Variants in ATP10D observed in about 807,000 individuals in gnomAD.
ATP10D encodes the protein ATPase phospholipid transporting 10D (putative), also known as phospholipid-transporting ATPase VD.
Under a neutral mutation model 144.8 loss-of-function variants are expected in ATP10D, and 89 were observed. The observed-to-expected ratio is 0.61, with a 90% CI of 0.52 to 0.73. The LOEUF (loss-of-function observed/expected upper bound fraction) is 0.73, where lower values mean the gene tolerates loss of function less well. ATP10D is among the 30% of genes least tolerant of loss of function. The pLI is 0.00. For synonymous variants in ATP10D, 571 were observed against 615.1 expected (o/e 0.93, Z 1.06); for missense variants, 1,603 against 1,714.8 (o/e 0.93, Z 1.15).
At chr4:47,549,296 G>A (rs1263809291) in intron 10 of ATP10D, among the ~76,000 whole-genome samples, 1 of 152,180 alleles carries the variant, frequency 6.6e-6, no homozygotes, top group East Asian at 1.9e-4. Context: ...TACCTTCTCA[G>A]TGAAGCTTTC....
chr4:47,576,727 C>T, intron 18 of ATP10D, 46 bp from the exon 19 acceptor site: 1 of 1,554,512 alleles, frequency 6.4e-7, no homozygotes, highest in South Asian at 1.1e-5. Flanking sequence ...AATCATAGCA[C>T]ACATTACTGA....
intron 10 of ATP10D, among the ~76,000 whole-genome samples, chr4:47,553,436 C>T (rs1191297090): frequency 6.6e-6 from 1 of 152,170 alleles, no homozygotes; most frequent in Non-Finnish European, 1.5e-5. Context: ...TTTTTGACAG[C>T]AGGTAACTTG....
intron 9 of ATP10D, among the ~76,000 whole-genome samples, chr4:47,543,217 T>A (rs1016664828): frequency 2.1e-4 from 32 of 152,352 alleles, no homozygotes; most frequent in Non-Finnish European, 3.7e-4. Context: ...ATCATAGGTA[T>A]GTATGTATAT....
intron 22 of ATP10D, among the ~76,000 whole-genome samples, chr4:47,590,156 A>C (rs2109485073): frequency 6.6e-6 from 1 of 152,268 alleles, no homozygotes; most frequent in African/African-American, 2.4e-5. Flanking sequence ...TTCTACAGTA[A>C]TATGGAAAGC....
intron 6 of ATP10D, 74 bp from the exon 7 acceptor site, chr4:47,535,828 G>C (rs1291543568): frequency 4.0e-6 from 6 of 1,499,784 alleles, no homozygotes; most frequent in Non-Finnish European, 4.5e-6. Flanking sequence ...GTCTGCAAGA[G>C]AGATTTTTAA....
chr4:47,523,246 A>G lies in ATP10D; in HGVS notation c.690+30A>G, dbSNP rs770331541. On this transcript the variant is annotated intron_variant, in intron 4 of 22. Coordinates refer to ENST00000273859, the MANE Select transcript of ATP10D (RefSeq NM_020453.4). ...GTCATATGTTCTCAGTTAGTGGCTT[A>G]TTAACATTTTTTTTCAGAAGATGAC... 84 of 1,577,984 alleles carry G rather than the reference A, an allele frequency of 5.3e-5. No individual in the cohort carries two copies. The Middle Eastern group carries it at 7.2e-4, about 14-fold the overall frequency.
chr4:47,584,288 CTT>C (rs1720673518), intron 21 of ATP10D, among the ~76,000 whole-genome samples: 1 of 152,190 alleles, frequency 6.6e-6, no homozygotes, highest in South Asian at 2.1e-4. Flanking sequence ...TATTCTTTGA[CTT>C]TCACTTCTTT....
chr4:47,549,012 C>T (rs978504552), intron 10 of ATP10D, among the ~76,000 whole-genome samples: 3 of 151,976 alleles, frequency 2.0e-5, no homozygotes, highest in African/African-American at 7.3e-5. Context: ...TCAAAGGAGG[C>T]GAGTTACGAG....
At chr4:47,489,629 C>G (rs549534802) in intron 1 of ATP10D, among the ~76,000 whole-genome samples, 1 of 152,250 alleles carries the variant, frequency 6.6e-6, no homozygotes, top group South Asian at 2.1e-4. Flanking sequence ...TATATATCCC[C>G]TCTTTCACAA....
At chr4:47,538,702 G>A (rs1215991147) in intron 9 of ATP10D, among the ~76,000 whole-genome samples, 1 of 152,174 alleles carries the variant, frequency 6.6e-6, no homozygotes, top group Non-Finnish European at 1.5e-5. Context: ...GCAGAATTCA[G>A]TGTACTGAAG....
In ATP10D at chr4:47,558,938, A is replaced by C. The variant is rs777803503; in HGVS notation, c.2450A>C (p.Glu817Ala). 1.9e-6 allele frequency: 3 copies of C among 1,613,600 alleles called. No homozygotes were observed. The African/African-American group carries it at 4.0e-5, about 22-fold the overall frequency. The change falls in exon 13 of 23, where the codon GAG becomes GCG. Residue 817 changes from glutamate (E) to alanine (A), a missense_variant. Physicochemically the swap from Glu to Ala is moderately radical, Grantham distance 107 (BLOSUM62 -1). Coordinates refer to ENST00000273859, the MANE Select transcript of ATP10D (RefSeq NM_020453.4). ...ATTATTTCAGATGGAGCAAGTCTGG[A>C]GAAACAACAGATGATAGTAAGGGAG... is the stretch of plus-strand genomic sequence containing the variant. ...SVASPDGASLEKQQMIVREKT... is the reference protein window; with the variant it reads ...SVASPDGASLAKQQMIVREKT...
chr4:47,514,496 A>G (rs749289886), intron 2 of ATP10D, among the ~76,000 whole-genome samples: 2 of 152,226 alleles, frequency 1.3e-5, no homozygotes, highest in Non-Finnish European at 2.9e-5. Flanking sequence ...TCTTTTGAGA[A>G]GTTTCATGGT....
At chr4:47,551,230 C>T (rs113972524) in intron 10 of ATP10D, among the ~76,000 whole-genome samples, 1,911 of 152,280 alleles carry the variant, frequency 0.013, 18 homozygotes, top group Non-Finnish European at 0.019. Flanking sequence ...GGAAATCCAG[C>T]TAGTCCTGTC....
rs768719800 is a variant in ATP10D, at chr4:47,569,116, A to G, written c.3133A>G (p.Ser1045Gly). ...AAGTGAAGTGGTGAAATTGGTCCGC[A>G]GCCATCTCCAGGTGATGACCCTTGC... ...QKSEVVKLVR[S>G]HLQVMTLAIG... Residue 1045 changes from serine (S) to glycine (G), a missense_variant, in exon 16 of 23, where the codon AGC (serine) becomes GGC (glycine). Ser to Gly is a moderately conservative substitution (Grantham distance 56). Transcript: ENST00000273859. 5.6e-6 allele frequency: 9 copies of G among 1,613,730 alleles called. No individual in the cohort carries two copies. In the East Asian group the frequency reaches 1.8e-4, roughly 32 times the overall value.
intron 10 of ATP10D, among the ~76,000 whole-genome samples, chr4:47,549,679 T>A (rs1040618488): frequency 6.6e-6 from 1 of 152,226 alleles, no homozygotes; most frequent in Non-Finnish European, 1.5e-5. Flanking sequence ...AAAGATGTAG[T>A]CATAGTAGTT....
intron 9 of ATP10D, among the ~76,000 whole-genome samples, chr4:47,537,693 A>G (rs962993038): frequency 8.5e-5 from 13 of 152,174 alleles, no homozygotes; most frequent in African/African-American, 3.1e-4. Flanking sequence ...ACAATGTCTT[A>G]TGAAATTTTT....
intron 3 of ATP10D, among the ~76,000 whole-genome samples, chr4:47,521,094 G>A (rs1560421902): frequency 2.0e-5 from 3 of 151,972 alleles, no homozygotes; most frequent in Admixed American, 1.3e-4. Flanking sequence ...CACTTATCTC[G>A]GGTCTTCTTT....
At chr4:47,508,476 G>A (rs557025602) in intron 1 of ATP10D, among the ~76,000 whole-genome samples, 11 of 152,320 alleles carry the variant, frequency 7.2e-5, no homozygotes, top group African/African-American at 2.2e-4. Context: ...ACTATTAATC[G>A]TGTTTCATTT....
At chr4:47,511,659 T>C (rs1716335628) in intron 1 of ATP10D, among the ~76,000 whole-genome samples, 2 of 152,240 alleles carry the variant, frequency 1.3e-5, no homozygotes, top group South Asian at 4.1e-4. Flanking sequence ...ACCCCAAAAC[T>C]TAATGACATA....
Sources: gnomAD v4.1 joint callset for allele counts (sites outside exome capture counted in the v4.1 genomes callset) on GRCh38, gnomAD v4.1.1 for gene constraint, MANE v1.5 for transcripts, NCBI Gene and HGNC (gene_info 2026-07-23, HGNC 2026-07-21) for gene names.